The following FAT3 variants were observed in gnomAD, a reference collection of about 807,000 sequenced individuals.
FAT3 encodes the protein protocadherin Fat 3.
FAT3 carries 95 observed loss-of-function variants against 310.2 expected under a neutral mutation model. That is an observed-to-expected ratio of 0.31 (90% CI 0.26 to 0.36). The LOEUF (loss-of-function observed/expected upper bound fraction) is 0.36, where lower values mean the gene tolerates loss of function less well. FAT3 is among the 10% of genes least tolerant of loss of function. The pLI, the probability that FAT3 is intolerant of heterozygous loss-of-function variation, is 1.00. For missense variants in FAT3, 5,408 were observed against 5,715.6 expected, an observed-to-expected ratio of 0.95 and a Z score of 1.74; for synonymous variants, 2,314 against 2,192.9, an observed-to-expected ratio of 1.06 and a Z score of -1.54.
At chr11:92,237,228 A>C (rs1259801713) in intron 1 of FAT3, among the ~76,000 whole-genome samples, 1 of 152,188 alleles carries the variant, frequency 6.6e-6, no homozygotes, top group Non-Finnish European at 1.5e-5. Flanking sequence ...GTTAATTCAC[A>C]GTTCTTTAGA....
chr11:92,394,715 A>G (rs918270171), intron 2 of FAT3, among the ~76,000 whole-genome samples: 1 of 151,976 alleles, frequency 6.6e-6, no homozygotes, highest in Admixed American at 6.6e-5. Context: ...AAGGAAAAAA[A>G]CTCTCATTTT....
chr11:92,456,641 CAT>C (rs1951500307), intron 2 of FAT3, among the ~76,000 whole-genome samples: 1 of 152,124 alleles, frequency 6.6e-6, no homozygotes, highest in Non-Finnish European at 1.5e-5. Context: ...GTTAGCTTTT[CAT>C]ATCTTTGTGT....
chr11:92,461,366 T>C (rs1951634284), intron 2 of FAT3, among the ~76,000 whole-genome samples: 1 of 152,148 alleles, frequency 6.6e-6, no homozygotes, highest in Non-Finnish European at 1.5e-5. Flanking sequence ...GGTCTGGAAG[T>C]AATGATAGAC....
chr11:92,716,506 T>A (rs1391826998), intron 4 of FAT3, among the ~76,000 whole-genome samples: 3 of 152,068 alleles, frequency 2.0e-5, no homozygotes, highest in Non-Finnish European at 4.4e-5. Flanking sequence ...TATACAAAAA[T>A]TATCTTTTTA....
intron 1 of FAT3, among the ~76,000 whole-genome samples, chr11:92,321,813 C>T (rs1459002840): frequency 6.6e-6 from 1 of 152,138 alleles, no homozygotes; most frequent in East Asian, 1.9e-4. Context: ...CTAAATGCAA[C>T]CTTCTTTTCC....
chr11:92,366,458 G>A (rs1949025143), intron 2 of FAT3: 1 of 390,756 alleles, frequency 2.6e-6, no homozygotes, highest in Admixed American at 3.2e-5. Context: ...GACAGACAGG[G>A]AGGGTGCTCC....
In FAT3 at chr11:92,840,720, C is replaced by A; in HGVS notation, c.10527C>A (p.Phe3509Leu). Residue 3509 changes from phenylalanine (F) to leucine (L), a missense_variant, in exon 18 of 28, where the codon TTC becomes TTA. Coordinates refer to ENST00000525166, the MANE Select transcript of FAT3 (RefSeq NM_001367949.2). Reference protein sequence around the residue: ...PHGILRSAVVFQHTESLEYVL... With the variant: ...PHGILRSAVVLQHTESLEYVL... ...GGATCTTGCGGTCGGCTGTGGTCTTCCAGCACACAGAGTCTCTGGAATACG... is the reference window on the plus strand; with the variant it reads ...GGATCTTGCGGTCGGCTGTGGTCTTACAGCACACAGAGTCTCTGGAATACG... 1 of 1,605,580 alleles carries A rather than the reference C, an allele frequency of 6.2e-7. No individual in the cohort carries two copies. Among genetic ancestry groups the A allele is most frequent in the Non-Finnish European group, 8.5e-7 (1 of 1,173,018 alleles).
At chr11:92,243,710 A>T (rs998001753) in intron 1 of FAT3, among the ~76,000 whole-genome samples, 4 of 152,060 alleles carry the variant, frequency 2.6e-5, no homozygotes, top group African/African-American at 9.7e-5. Context: ...ATAATAGGAT[A>T]AAATGCTACC....
Position 92,824,067 on chromosome 11 carries a change from A to G in FAT3, c.9482-7555A>G, listed in dbSNP as rs16918140. 4.7e-4 allele frequency among the ~76,000 whole-genome samples: 72 copies of G among 152,278 alleles called. No homozygotes were observed. The East Asian group carries it at 0.012, about 25-fold the overall frequency. On this transcript the variant is annotated intron_variant, in intron 13 of 27. Transcript: ENST00000525166. ...TTTGCTTAATTTAAGTATGAAAATCATTTTTAAGGCTGGGTGTGGTGGCTC... is the reference window on the plus strand; with the variant it reads ...TTTGCTTAATTTAAGTATGAAAATCGTTTTTAAGGCTGGGTGTGGTGGCTC...
chr11:92,479,647 T>C (rs1380476017), intron 2 of FAT3, among the ~76,000 whole-genome samples: 3 of 152,138 alleles, frequency 2.0e-5, no homozygotes, highest in Non-Finnish European at 2.9e-5. Flanking sequence ...AAATTTCTGC[T>C]TATTCCTCAT....
At chr11:92,815,961 C>CT (rs1467253118) in intron 13 of FAT3, among the ~76,000 whole-genome samples, 1 of 152,214 alleles carries the variant, frequency 6.6e-6, no homozygotes, top group African/African-American at 2.4e-5. Flanking sequence ...AAAGTCACAT[C>CT]TGTAAAACTA....
chr11:92,531,834 T>G (rs1954084622), intron 3 of FAT3, among the ~76,000 whole-genome samples: 1 of 152,140 alleles, frequency 6.6e-6, no homozygotes, highest in Admixed American at 6.5e-5. Context: ...ACTGTGGATG[T>G]TTTTGGTCAC....
intron 2 of FAT3, among the ~76,000 whole-genome samples, chr11:92,355,899 C>T (rs537601211): frequency 6.6e-6 from 1 of 152,204 alleles, no homozygotes; most frequent in South Asian, 2.1e-4. Flanking sequence ...TCATCTGGTC[C>T]TTGAATGATG....
At chr11:92,575,414 G>A (rs182010086) in intron 3 of FAT3, among the ~76,000 whole-genome samples, 122 of 152,278 alleles carry the variant, frequency 8.0e-4, no homozygotes, top group African/African-American at 2.8e-3. Context: ...TTAGTTAAAT[G>A]TATAAGATGA....
At chr11:92,533,201 T>C (rs1954138874) in intron 3 of FAT3, among the ~76,000 whole-genome samples, 1 of 152,062 alleles carries the variant, frequency 6.6e-6, no homozygotes, top group Non-Finnish European at 1.5e-5. Context: ...GTTATTATTA[T>C]TATTATTTTA....
At chr11:92,258,643 T>C (rs1865410131) in intron 1 of FAT3, among the ~76,000 whole-genome samples, 1 of 146,362 alleles carries the variant, frequency 6.8e-6, no homozygotes, top group Non-Finnish European at 1.5e-5. Flanking sequence ...GGAAGAGCAC[T>C]AGAACTTTAT....
intron 1 of FAT3, among the ~76,000 whole-genome samples, chr11:92,284,563 G>A (rs1237701041): frequency 6.6e-6 from 1 of 152,074 alleles, no homozygotes; most frequent in Admixed American, 6.5e-5. Context: ...GATAGTCAGG[G>A]CTCTTGAAAT....
intron 2 of FAT3, among the ~76,000 whole-genome samples, chr11:92,424,925 A>AT (rs760301028): frequency 1.5e-4 from 23 of 151,894 alleles, no homozygotes; most frequent in African/African-American, 2.2e-4. Flanking sequence ...CCTTTCTGTG[A>AT]TTTTTTTTAA....
At chr11:92,514,741 GA>G (rs1380101130) in intron 2 of FAT3, among the ~76,000 whole-genome samples, 23 of 152,282 alleles carry the variant, frequency 1.5e-4, no homozygotes, top group African/African-American at 5.3e-4. Context: ...GACTGGAGAA[GA>G]AAAGCCCAGC....
Sources: allele counts gnomAD v4.1 joint callset (sites outside exome capture counted in the v4.1 genomes callset), GRCh38; gene constraint gnomAD v4.1.1; transcripts MANE v1.5; gene names NCBI Gene and HGNC (gene_info 2026-07-23, HGNC 2026-07-21).